The following FIP1L1 variants were observed in gnomAD, a reference collection of about 807,000 sequenced individuals.
The protein encoded by FIP1L1 is pre-mRNA 3'-end-processing factor FIP1.
A neutral mutation model predicts 84.6 loss-of-function variants in FIP1L1; 21 were observed. That is an observed-to-expected ratio of 0.25 (90% CI 0.18 to 0.36). The LOEUF is 0.36. Among genes scored for constraint, FIP1L1 ranks in the 10% least tolerant of loss-of-function variants. The probability of loss-of-function intolerance (pLI) is 1.00; values close to 1 mark genes in which losing one functional copy is unlikely to be tolerated. For synonymous variants in FIP1L1, 263 were observed against 242.3 expected (o/e 1.09, Z -0.80); for missense variants, 526 against 751.1 (o/e 0.70, Z 3.50).
intron 13 of FIP1L1, among the ~76,000 whole-genome samples, chr4:53,439,793 T>A (rs1771092949): frequency 6.6e-6 from 1 of 151,918 alleles, no homozygotes; most frequent in African/African-American, 2.4e-5. Flanking sequence ...CTTTCATGTA[T>A]CTCTTAAATT....
chr4:53,420,429 C>A (rs1387356183), intron 11 of FIP1L1, among the ~76,000 whole-genome samples: 216 of 91,484 alleles, frequency 2.4e-3, no homozygotes, highest in South Asian at 4.0e-3. Context: ...AACTCCATCT[C>A]AAAAAAAAAA....
chr4:53,434,181 CTG>C (rs1308334655), intron 13 of FIP1L1, among the ~76,000 whole-genome samples: 6 of 152,236 alleles, frequency 3.9e-5, no homozygotes, highest in South Asian at 4.1e-4. Context: ...GAAGTTAAAA[CTG>C]AGAAATTAAA....
At position 53,460,808 on chromosome 4, in the gene FIP1L1, A is replaced by ATTCT. The variant is rs1260843020; in HGVS notation, c.*1366_*1369dup. Reference sequence around the variant, plus strand: ...ACTTTTCCTGACATTTTTACAATGTATTCTTTCTTTAAATATAAAAACTGA... The same window carrying ATTCT: ...ACTTTTCCTGACATTTTTACAATGTATTCTTTCTTTCTTTAAATATAAAAACTGA... On this transcript the variant is annotated 3_prime_UTR_variant, in exon 18 of 18. Coordinates refer to ENST00000337488, the MANE Select transcript of FIP1L1 (RefSeq NM_030917.4). 93 of 1,192,704 alleles carry ATTCT rather than the reference A, an allele frequency of 7.8e-5. No homozygotes were observed. Among genetic ancestry groups the ATTCT allele is most frequent in the Admixed American group, 1.2e-4 (5 of 40,480 alleles). 73.9% of individuals were successfully genotyped at this position (1,192,704 alleles called of 1,614,324 possible). A position where few individuals can be genotyped will look rare whatever the true frequency, so the allele number is the denominator to read the frequency against.
rs74468030 is a variant in FIP1L1 at position 53,439,589 on chromosome 4, T to C, written c.1175-3064T>C. On this transcript the variant is annotated intron_variant, in intron 13 of 17. Transcript: ENST00000337488. ...CATTTAGCTAATAAATTAGATTATT[T>C]TTTGGACTAATTTTGATGCAGTTTT... Among the ~76,000 whole-genome samples the C allele has an allele frequency of 8.7e-3, 1,330 of 152,172 alleles. 22 individuals carry two copies. Among genetic ancestry groups the C allele is most frequent in the African/African-American group, 0.03 (1,254 of 41,568 alleles).
intron 11 of FIP1L1, among the ~76,000 whole-genome samples, chr4:53,423,840 GA>G (rs889934256): frequency 4.6e-5 from 7 of 151,978 alleles, no homozygotes; most frequent in African/African-American, 1.7e-4. Context: ...ATTTAAAGTT[GA>G]AAAAAACTAA....
intron 10 of FIP1L1, among the ~76,000 whole-genome samples, chr4:53,401,566 T>TA (rs1750281712): frequency 6.6e-6 from 1 of 152,314 alleles, no homozygotes. Flanking sequence ...AGTAGTCAGA[T>TA]ACCAGTTATA....
At position 53,460,124 on chromosome 4, in the gene FIP1L1, A is replaced by ATT. The variant is rs1185142415; in HGVS notation, c.*677_*678dup. On this transcript the variant is annotated 3_prime_UTR_variant, in exon 18 of 18. Transcript: ENST00000337488. ...ACACACACTCTTCATTGTGGCACAA[A>ATT]TTTAAATCGCCTCATGACCATGTCT... The ATT allele has an allele frequency of 7.0e-5, 14 of 198,902 alleles. No homozygotes were observed. The East Asian group carries it at 1.1e-3, about 15-fold the overall frequency. The allele number at this position is 198,902 out of a possible 1,614,324, so 12.3% of individuals were successfully genotyped here.
chr4:53,399,504 T>C (rs928271811), intron 9 of FIP1L1, among the ~76,000 whole-genome samples: 14 of 152,384 alleles, frequency 9.2e-5, no homozygotes, highest in Non-Finnish European at 1.9e-4. Context: ...CTAAGTGTTA[T>C]TAATGTGAAC....
At chr4:53,427,437 C>T (rs1764765087) in intron 12 of FIP1L1, among the ~76,000 whole-genome samples, 3 of 152,152 alleles carry the variant, frequency 2.0e-5, no homozygotes, top group Admixed American at 2.0e-4. Context: ...GCAAACATTG[C>T]TTTATTTTTC....
intron 7 of FIP1L1, 41 bp from the exon 8 acceptor site, chr4:53,390,968 A>T: frequency 2.7e-6 from 4 of 1,506,142 alleles, no homozygotes; most frequent in Non-Finnish European, 3.6e-6. Flanking sequence ...ATAAAAATAG[A>T]GCTGAAATAT....
At position 53,459,437 on chromosome 4, in the gene FIP1L1, A is replaced by G; in HGVS notation, c.1773A>G (p.Thr591=). 1 of 1,613,674 alleles carries G rather than the reference A, an allele frequency of 6.2e-7. No individual in the cohort carries two copies. The highest frequency in any genetic ancestry group is 8.5e-7 in the Non-Finnish European group (1 of 1,179,656). Residue 591 remains threonine (T), a synonymous_variant, in exon 18 of 18, where the codon ACA becomes ACG. Transcript: ENST00000337488. ...CTGAACAGGAGAGCACCGAAGCTAC[A>G]CCTGCAGAATAGGCATGGTTTTGGC... ...PAPEQESTEA[T]PAE
chr4:53,404,566 A>G (rs1472171941), intron 10 of FIP1L1, among the ~76,000 whole-genome samples: 1 of 151,558 alleles, frequency 6.6e-6, no homozygotes, highest in South Asian at 2.1e-4. Context: ...TTCTAGTTAT[A>G]GATCCCTGAG....
chr4:53,400,449 A>G (rs1456325087), intron 10 of FIP1L1, among the ~76,000 whole-genome samples: 2 of 152,234 alleles, frequency 1.3e-5, no homozygotes, highest in African/African-American at 4.8e-5. Context: ...GTAGGCTAAG[A>G]CTAGCGAAGT....
At chr4:53,409,278 T>C (rs1483441566) in intron 10 of FIP1L1, among the ~76,000 whole-genome samples, 1 of 152,218 alleles carries the variant, frequency 6.6e-6, no homozygotes, top group Non-Finnish European at 1.5e-5. Context: ...CCTGTTTGCC[T>C]GGATACCAGC....
At chr4:53,449,664 T>TC (rs1465893121) in intron 15 of FIP1L1, among the ~76,000 whole-genome samples, 2 of 152,132 alleles carry the variant, frequency 1.3e-5, no homozygotes, top group African/African-American at 4.8e-5. Flanking sequence ...TCTTTTTTTT[T>TC]CCCTATTTGC....
intron 10 of FIP1L1, among the ~76,000 whole-genome samples, chr4:53,408,002 C>T (rs1221182625): frequency 1.3e-5 from 2 of 152,054 alleles, no homozygotes; most frequent in African/African-American, 2.4e-5. Flanking sequence ...ACATTTAAAG[C>T]TAACATTGTT....
chr4:53,450,006 T>G (rs915707300), intron 15 of FIP1L1, among the ~76,000 whole-genome samples: 2 of 152,186 alleles, frequency 1.3e-5, no homozygotes, highest in Non-Finnish European at 2.9e-5. Context: ...TGTCGTGTTT[T>G]ATTTGTTGTC....
intron 10 of FIP1L1, among the ~76,000 whole-genome samples, chr4:53,403,295 G>T (rs1271458218): frequency 4.6e-5 from 7 of 152,058 alleles, no homozygotes; most frequent in Admixed American, 1.3e-4. Flanking sequence ...TGCTTTCCTT[G>T]GTTTCAATTA....
chr4:53,414,167 C>T (rs1460557139), intron 10 of FIP1L1, among the ~76,000 whole-genome samples: 5 of 151,994 alleles, frequency 3.3e-5, no homozygotes, highest in South Asian at 4.1e-4. Flanking sequence ...TTATGAAACA[C>T]GTCAGAGTGT....
Sources: allele counts gnomAD v4.1 joint callset (sites outside exome capture counted in the v4.1 genomes callset), GRCh38; gene constraint gnomAD v4.1.1; transcripts MANE v1.5; gene names NCBI Gene and HGNC (gene_info 2026-07-23, HGNC 2026-07-21).